STPG2: variants seen among roughly 807,000 people sequenced by gnomAD.
The protein encoded by STPG2 is sperm tail PG-rich repeat containing 2.
In STPG2, 56 loss-of-function variants were observed where a neutral mutation model predicts 54.2. The observed-to-expected ratio is 1.03, with a 90% CI of 0.83 to 1.29. STPG2 has a LOEUF of 1.29. STPG2 is among the 50% of genes most tolerant of loss of function. The probability of loss-of-function intolerance (pLI) is 0.00; values close to 1 mark genes in which losing one functional copy is unlikely to be tolerated. For synonymous variants in STPG2, 200 were observed against 181.8 expected (o/e 1.10, Z -0.81); for missense variants, 596 against 544.9 (o/e 1.09, Z -0.93).
At chr4:97,989,219 T>C (rs1409080131) in intron 5 of STPG2, among the ~76,000 whole-genome samples, 1 of 152,194 alleles carries the variant, frequency 6.6e-6, no homozygotes, top group Non-Finnish European at 1.5e-5. Context: ...TTCTACACAA[T>C]TCTGTGGCTA....
intron 5 of STPG2, among the ~76,000 whole-genome samples, chr4:98,050,705 A>G (rs1370071485): frequency 6.6e-6 from 1 of 152,126 alleles, no homozygotes; most frequent in African/African-American, 2.4e-5. Flanking sequence ...AATCATACCA[A>G]TGTTTTTAAC....
At chr4:97,611,246 T>C (rs1473080224) in intron 10 of STPG2, among the ~76,000 whole-genome samples, 3 of 151,432 alleles carry the variant, frequency 2.0e-5, no homozygotes, top group African/African-American at 7.3e-5. Context: ...AAAGTGGTGG[T>C]CAAGAAAACC....
intron 9 of STPG2, among the ~76,000 whole-genome samples, chr4:97,760,322 T>C (rs1725853314): frequency 6.6e-6 from 1 of 152,160 alleles, no homozygotes; most frequent in Non-Finnish European, 1.5e-5. Context: ...TAGGTATATG[T>C]TCAGTAAATG....
chr4:97,483,636 C>T (rs1305911676), intron 4 of STPG2, among the ~76,000 whole-genome samples: 2 of 151,616 alleles, frequency 1.3e-5, no homozygotes, highest in South Asian at 2.1e-4. Flanking sequence ...GGGGACTTCA[C>T]TATTCCACTG....
chr4:97,540,638 G>C (rs1287615559), intron 4 of STPG2, among the ~76,000 whole-genome samples: 1 of 152,102 alleles, frequency 6.6e-6, no homozygotes, highest in African/African-American at 2.4e-5. Context: ...GCATCATCCT[G>C]ATACCAAAGC....
At chr4:97,954,935 T>C (rs1251171768) in intron 7 of STPG2, among the ~76,000 whole-genome samples, 1 of 152,098 alleles carries the variant, frequency 6.6e-6, no homozygotes, top group Non-Finnish European at 1.5e-5. Context: ...AGACAAGAAC[T>C]TTTTTAAAAC....
intron 9 of STPG2, among the ~76,000 whole-genome samples, chr4:97,743,036 T>G (rs1412535668): frequency 6.6e-6 from 1 of 151,496 alleles, no homozygotes; most frequent in Non-Finnish European, 1.5e-5. Context: ...ATAATAGAAA[T>G]ATATTAAAAG....
intron 8 of STPG2, among the ~76,000 whole-genome samples, chr4:97,935,304 T>C (rs528866077): frequency 1.3e-5 from 2 of 152,036 alleles, no homozygotes; most frequent in East Asian, 3.9e-4. Flanking sequence ...AGTTTCTTCA[T>C]AGTTTCAATA....
At chr4:97,541,817 C>G (rs1271796999) in intron 4 of STPG2, among the ~76,000 whole-genome samples, 3 of 152,148 alleles carry the variant, frequency 2.0e-5, no homozygotes, top group African/African-American at 7.2e-5. Context: ...AATAATACCA[C>G]ACATCTACAA....
chr4:97,737,223 T>C (rs962874044), intron 9 of STPG2, among the ~76,000 whole-genome samples: 1 of 152,016 alleles, frequency 6.6e-6, no homozygotes, highest in Non-Finnish European at 1.5e-5. Context: ...GTCACCATCA[T>C]CAAAGACCAA....
intron 9 of STPG2, among the ~76,000 whole-genome samples, chr4:97,791,246 T>C (rs184650175): frequency 6.6e-6 from 1 of 152,306 alleles, no homozygotes; most frequent in Admixed American, 6.5e-5. Context: ...TTCAAACATA[T>C]AGGAATTGTT....
At chr4:97,834,649 C>T (rs899869099) in intron 9 of STPG2, among the ~76,000 whole-genome samples, 5 of 151,960 alleles carry the variant, frequency 3.3e-5, no homozygotes, top group South Asian at 2.1e-4. Context: ...AAATATGGTA[C>T]ACATGTTATT....
chr4:98,127,379 T>A (rs189678043), intron 3 of STPG2, among the ~76,000 whole-genome samples: 1 of 152,170 alleles, frequency 6.6e-6, no homozygotes, highest in Non-Finnish European at 1.5e-5. Context: ...CCCCAAAAAC[T>A]TCCCAGTGTA....
At position 97,918,152 on chromosome 4, in the gene STPG2, A is replaced by C. The variant is rs1051787906; in HGVS notation, c.1044+25745T>G. On this transcript the variant is annotated intron_variant, in intron 8 of 10. Transcript: ENST00000295268. ...GAGTAATTATATTCATAAAAGACTT[A>C]TTAGACTGAGAAAGAAAAATTACTA... 2.0e-5 allele frequency among the ~76,000 whole-genome samples: 3 copies of C among 151,444 alleles called. No individual in the cohort carries two copies. The Admixed American group carries it at 2.0e-4, about 10-fold the overall frequency.
At chr4:97,683,332 GAA>G (rs1723087768) in intron 10 of STPG2, among the ~76,000 whole-genome samples, 1 of 151,648 alleles carries the variant, frequency 6.6e-6, no homozygotes, top group Non-Finnish European at 1.5e-5. Flanking sequence ...CATTTCCAGA[GAA>G]TCATGCTTCA....
At chr4:97,602,876 TA>T (rs1238394179) in intron 10 of STPG2, among the ~76,000 whole-genome samples, 5 of 151,674 alleles carry the variant, frequency 3.3e-5, no homozygotes, top group African/African-American at 9.7e-5. Flanking sequence ...ATGTAAATCA[TA>T]AGGATAGAAA....
chr4:97,616,053 T>TATAA lies in STPG2; in HGVS notation c.1321-56940_1321-56937dup, dbSNP rs1247797968. ...CTCTGTCTCAAAAAAAAAAAATACA[T>TATAA]ATAAATATATATATATATATATATA... On this transcript the variant is annotated intron_variant, in intron 10 of 10. Transcript: ENST00000295268. Among the ~76,000 whole-genome samples the TATAA allele has an allele frequency of 2.0e-4, 12 of 61,236 alleles. 1 individual carries two copies. Among genetic ancestry groups the TATAA allele is most frequent in the Non-Finnish European group, 3.3e-4 (12 of 36,340 alleles). 40.2% of individuals were successfully genotyped at this position (61,236 alleles called of 152,430 possible).
chr4:97,618,921 T>C (rs1445121840), intron 10 of STPG2, among the ~76,000 whole-genome samples: 2 of 152,196 alleles, frequency 1.3e-5, no homozygotes. Context: ...TCTATCTTCA[T>C]ACATATGAGA....
chr4:97,796,081 T>C (rs1404181166), intron 9 of STPG2, among the ~76,000 whole-genome samples: 2 of 152,210 alleles, frequency 1.3e-5, no homozygotes, highest in Admixed American at 6.5e-5. Flanking sequence ...TTTGAGTTCT[T>C]TGTAGATTCT....
Sources: allele counts gnomAD v4.1 joint callset (sites outside exome capture counted in the v4.1 genomes callset), GRCh38; gene constraint gnomAD v4.1.1; transcripts MANE v1.5; gene names NCBI Gene and HGNC (gene_info 2026-07-23, HGNC 2026-07-21).